The following ADGRG7 variants were observed in gnomAD, a reference collection of about 807,000 sequenced individuals.
The protein encoded by ADGRG7 is adhesion G protein-coupled receptor G7.
ADGRG7 carries 82 observed loss-of-function variants against 88.6 expected under a neutral mutation model. That is an observed-to-expected ratio of 0.93 (90% confidence interval 0.77 to 1.11). The LOEUF (loss-of-function observed/expected upper bound fraction) is 1.11. Ranked by LOEUF, ADGRG7 falls within the 50% of genes most tolerant of loss-of-function variation. The pLI, the probability that ADGRG7 is intolerant of heterozygous loss-of-function variation, is 0.00. For missense variants in ADGRG7, 945 were observed against 953.4 expected (o/e 0.99, Z 0.12); for synonymous variants, 381 against 345.2 (o/e 1.10, Z -1.15).
chr3:100,610,631 T>C (rs1161049124), intron 1 of ADGRG7, among the ~76,000 whole-genome samples: 2 of 152,154 alleles, frequency 1.3e-5, no homozygotes, highest in Non-Finnish European at 2.9e-5. Flanking sequence ...AAAACAATGA[T>C]GTTAAAGAAA....
chr3:100,659,641 G>T (rs1373674967), intron 13 of ADGRG7, 47 bp from the exon 14 acceptor site: 1 of 1,577,584 alleles, frequency 6.3e-7, no homozygotes, highest in Non-Finnish European at 8.7e-7. Flanking sequence ...AGACCAGTAT[G>T]TATACCTTTC....
At chr3:100,646,133 G>A (rs754144711) in intron 9 of ADGRG7, 25 bp downstream of exon 9, 3 of 1,369,312 alleles carry the variant, frequency 2.2e-6, no homozygotes, top group Admixed American at 4.5e-5. Flanking sequence ...GCAGATGCAA[G>A]AAAAAAGTGT....
chr3:100,665,352 A>G (rs1239630949), intron 14 of ADGRG7: 1 of 540,622 alleles, frequency 1.8e-6, no homozygotes, highest in Non-Finnish European at 3.8e-6. Context: ...ATCCAGTACC[A>G]CCAGGCGTTT....
chr3:100,652,295 G>A (rs1395550256), intron 11 of ADGRG7, among the ~76,000 whole-genome samples: 2 of 152,120 alleles, frequency 1.3e-5, no homozygotes, highest in East Asian at 1.9e-4. Flanking sequence ...GGAATCCAAA[G>A]ATCAAGCGAG....
In ADGRG7 at chr3:100,630,786, C is replaced by A; in HGVS notation, c.311C>A (p.Thr104Lys). ...GGCAGATATGGACCATCCTTGCAAA[C>A]ATGTGGCAAGGATACTCCAAATGGT... ...PVGRYGPSLQ[T>K]CGKDTPNAGN... The change falls in exon 3 of 16, where the codon ACA (threonine) becomes AAA (lysine). Residue 104 changes from threonine to lysine, a missense_variant. By Grantham distance (78) the Thr-to-Lys change is moderately conservative. Transcript: ENST00000273352. 1.3e-6 allele frequency: 2 copies of A among 1,483,236 alleles called. No individual in the cohort carries two copies. Among genetic ancestry groups the A allele is most frequent in the Non-Finnish European group, 1.8e-6 (2 of 1,117,244 alleles). The allele number at this position is 1,483,236 out of a possible 1,614,324, so 91.9% of individuals were successfully genotyped here. A position where few individuals can be genotyped will look rare whatever the true frequency, so the allele number is the denominator to read the frequency against.
At chr3:100,658,664 C>T (rs1290425627) in intron 13 of ADGRG7, among the ~76,000 whole-genome samples, 2 of 152,114 alleles carry the variant, frequency 1.3e-5, no homozygotes, top group East Asian at 3.9e-4. Flanking sequence ...AGCTTTTTTC[C>T]ATGAGGTTTT....
intron 6 of ADGRG7, among the ~76,000 whole-genome samples, chr3:100,642,035 C>A (rs532241173): frequency 6.6e-6 from 1 of 152,178 alleles, no homozygotes; most frequent in Non-Finnish European, 1.5e-5. Context: ...GAAAGAAGTA[C>A]AAGAAAGAAA....
chr3:100,668,081 A>T (rs1576332705), intron 14 of ADGRG7, among the ~76,000 whole-genome samples: 1 of 152,040 alleles, frequency 6.6e-6, no homozygotes, highest in South Asian at 2.1e-4. Flanking sequence ...GTGACACCCC[A>T]CCCTGCTTCA....
At chr3:100,630,252 C>T (rs1463208111) in intron 2 of ADGRG7, among the ~76,000 whole-genome samples, 1 of 152,170 alleles carries the variant, frequency 6.6e-6, no homozygotes, top group Non-Finnish European at 1.5e-5. Context: ...CAACACCGTA[C>T]ACTTCATGCT....
In ADGRG7 at chr3:100,649,403, C is replaced by T. The variant is rs41272973; in HGVS notation, c.1267-292C>T. ...GGACTTGAGTATCCATGGCTTTTGG[C>T]ATCTGCAAGTTGTTCTGAAACCAGT... On this transcript the variant is annotated intron_variant, in intron 10 of 15. Transcript: ENST00000273352. Among the ~76,000 whole-genome samples the T allele has an allele frequency of 3.5e-3, 529 of 152,272 alleles. 5 individuals carry two copies. Among genetic ancestry groups the T allele is most frequent in the Non-Finnish European group, 5.1e-3 (350 of 68,020 alleles).
At chr3:100,621,119 A>C (rs1406515874) in intron 1 of ADGRG7, among the ~76,000 whole-genome samples, 1 of 152,178 alleles carries the variant, frequency 6.6e-6, no homozygotes, top group African/African-American at 2.4e-5. Context: ...ACTGCTCTAC[A>C]GACTGGCAAA....
chr3:100,620,298 T>C (rs957628465), intron 1 of ADGRG7, among the ~76,000 whole-genome samples: 1 of 152,048 alleles, frequency 6.6e-6, no homozygotes, highest in Non-Finnish European at 1.5e-5. Flanking sequence ...ACAGAACCAA[T>C]GACAAAAACT....
At chr3:100,620,033 A>T (rs2149012876) in intron 1 of ADGRG7, among the ~76,000 whole-genome samples, 1 of 152,308 alleles carries the variant, frequency 6.6e-6, no homozygotes, top group East Asian at 1.9e-4. Flanking sequence ...ATAGAAAAAG[A>T]GGGAATCCTC....
intron 14 of ADGRG7, among the ~76,000 whole-genome samples, chr3:100,662,858 C>G (rs1438762246): frequency 8.6e-6 from 1 of 116,254 alleles, no homozygotes; most frequent in African/African-American, 2.6e-5. Flanking sequence ...GAGTTATTAT[C>G]GGGGGATGGC....
rs544943994 is a variant in ADGRG7, at chr3:100,614,623, T to C, written c.115+4652T>C. Among the ~76,000 whole-genome samples the C allele has an allele frequency of 2.0e-5, 3 of 152,276 alleles. No individual in the cohort carries two copies. The South Asian group carries it at 6.2e-4, about 32-fold the overall frequency. The stretch of plus-strand genomic sequence containing the variant: ...ATTTCAAATTAGGACAAATGAGAGA[T>C]GCCTGGATTTTAAACCCCAAAAGAC... On this transcript the variant is annotated intron_variant, in intron 1 of 15. Coordinates refer to ENST00000273352, the MANE Select transcript of ADGRG7 (RefSeq NM_032787.3).
intron 15 of ADGRG7, among the ~76,000 whole-genome samples, chr3:100,683,676 G>C (rs7613632): frequency 6.6e-6 from 1 of 152,236 alleles, no homozygotes; most frequent in Non-Finnish European, 1.5e-5. Flanking sequence ...CTGCCAGACC[G>C]AGTAGGAGGA....
At chr3:100,690,079 A>C (rs1322896989) in intron 15 of ADGRG7, among the ~76,000 whole-genome samples, 2 of 151,996 alleles carry the variant, frequency 1.3e-5, no homozygotes, top group Non-Finnish European at 2.9e-5. Context: ...GTTTCTTTTT[A>C]TTCTTTTTTC....
intron 14 of ADGRG7, among the ~76,000 whole-genome samples, chr3:100,662,155 A>T (rs1005100065): frequency 6.6e-6 from 1 of 152,170 alleles, no homozygotes. Flanking sequence ...CTTAGTATCT[A>T]TATGGGTTGG....
chr3:100,672,658 G>T (rs1009558333), intron 15 of ADGRG7, among the ~76,000 whole-genome samples: 3 of 152,136 alleles, frequency 2.0e-5, no homozygotes, highest in Non-Finnish European at 2.9e-5. Flanking sequence ...AATGCTTCCA[G>T]TTTTTGCCCA....
Sources: gnomAD v4.1 joint callset for allele counts (sites outside exome capture counted in the v4.1 genomes callset) on GRCh38, gnomAD v4.1.1 for gene constraint, MANE v1.5 for transcripts, NCBI Gene and HGNC (gene_info 2026-07-23, HGNC 2026-07-21) for gene names.